Variants in RIT2 observed in about 807,000 individuals in gnomAD.
RIT2 encodes the protein Ras like without CAAX 2.
Under a neutral mutation model 23.7 loss-of-function variants are expected in RIT2, and 24 were observed. The ratio of observed to expected loss-of-function variants is 1.01; its 90% confidence interval spans 0.73 to 1.43. RIT2 has a LOEUF of 1.43. Among genes scored for constraint, RIT2 ranks in the 40% most tolerant of loss-of-function variants. The probability of loss-of-function intolerance (pLI) is 0.00; values close to 1 mark genes in which losing one functional copy is unlikely to be tolerated. For synonymous variants in RIT2, 107 were observed against 91.1 expected (o/e 1.17, Z -0.99); for missense variants, 236 against 266.9 (o/e 0.88, Z 0.81).
At chr18:43,051,383 G>A (rs1357061487) in intron 1 of RIT2, among the ~76,000 whole-genome samples, 16 of 152,048 alleles carry the variant, frequency 1.1e-4, no homozygotes, top group African/African-American at 3.9e-4. Flanking sequence ...GAGACTGATC[G>A]AATAGATGAG....
At chr18:42,808,705 T>C (rs949168589) in intron 4 of RIT2, among the ~76,000 whole-genome samples, 1 of 152,138 alleles carries the variant, frequency 6.6e-6, no homozygotes, top group Admixed American at 6.5e-5. Flanking sequence ...CTTTGCCCTA[T>C]TTTTTAAATA....
chr18:42,767,995 T>C (rs1240029327), intron 4 of RIT2, among the ~76,000 whole-genome samples: 1 of 152,134 alleles, frequency 6.6e-6, no homozygotes, highest in East Asian at 1.9e-4. Flanking sequence ...TTCAAGTATG[T>C]CTTTATCAGC....
At chr18:42,817,796 C>G (rs1189211441) in intron 4 of RIT2, among the ~76,000 whole-genome samples, 4 of 152,004 alleles carry the variant, frequency 2.6e-5, no homozygotes, top group Admixed American at 2.6e-4. Context: ...AGGGAAACAA[C>G]ATTTCTCTTT....
intron 4 of RIT2, among the ~76,000 whole-genome samples, chr18:42,825,095 A>C (rs1211499195): frequency 6.6e-6 from 1 of 151,924 alleles, no homozygotes; most frequent in Admixed American, 6.6e-5. Context: ...AATTTGGTCA[A>C]ACTTATGTTA....
chr18:43,074,948 G>A lies in RIT2; in HGVS notation c.103+40469C>T, dbSNP rs144964616. On this transcript the variant is annotated intron_variant, in intron 1 of 4. Transcript: ENST00000326695. The stretch of plus-strand genomic sequence containing the variant: ...GGGAAAAATAGCTAATGCATATTGG[G>A]CTTAATACCTAAGTGATGGGTTGAT... Among the ~76,000 whole-genome samples, 175 of 152,192 alleles carry A rather than the reference G, an allele frequency of 1.1e-3. 2 individuals carry two copies. The highest frequency in any genetic ancestry group is 3.8e-3 in the African/African-American group (159 of 41,524).
chr18:42,873,665 G>A (rs1282961996), intron 4 of RIT2, among the ~76,000 whole-genome samples: 1 of 152,026 alleles, frequency 6.6e-6, no homozygotes, highest in African/African-American at 2.4e-5. Context: ...GGAAGAAACA[G>A]CATTTTTCTT....
chr18:43,058,718 C>T (rs117270690), intron 1 of RIT2, among the ~76,000 whole-genome samples: 5,985 of 152,018 alleles, frequency 0.039, 171 homozygotes, highest in Non-Finnish European at 0.061. Context: ...AAAACCCTGT[C>T]TCTACAAAAA....
At chr18:43,007,421 G>A (rs192012825) in intron 2 of RIT2, among the ~76,000 whole-genome samples, 39 of 151,760 alleles carry the variant, frequency 2.6e-4, no homozygotes, top group African/African-American at 8.9e-4. Context: ...AATGAGCACC[G>A]AGTAGCAATG....
intron 2 of RIT2, among the ~76,000 whole-genome samples, chr18:43,026,586 A>G (rs1911727867): frequency 9.1e-6 from 1 of 109,616 alleles, no homozygotes; most frequent in African/African-American, 3.2e-5. Context: ...GAAAGAAAGA[A>G]AGAAAGAAAG....
chr18:42,888,858 C>T (rs1040190517), intron 4 of RIT2, among the ~76,000 whole-genome samples: 3 of 152,006 alleles, frequency 2.0e-5, no homozygotes, highest in Non-Finnish European at 2.9e-5. Context: ...GAGCTAAACA[C>T]TGAGCACATG....
intron 1 of RIT2, among the ~76,000 whole-genome samples, chr18:43,039,408 G>C (rs1598757540): frequency 6.7e-6 from 1 of 150,106 alleles, no homozygotes; most frequent in African/African-American, 2.5e-5. Context: ...GAGTGCAATG[G>C]TGCGATCTAA....
chr18:42,905,614 A>T (rs1908591357), intron 4 of RIT2, among the ~76,000 whole-genome samples: 1 of 152,074 alleles, frequency 6.6e-6, no homozygotes, highest in Admixed American at 6.6e-5. Flanking sequence ...CTGGGATTAC[A>T]GTTGCCCACC....
chr18:43,115,314 A>G, intron 1 of RIT2, 103 bp downstream of exon 1: 1 of 1,437,416 alleles, frequency 7.0e-7, no homozygotes, highest in South Asian at 1.2e-5. Context: ...TTTAACTGCC[A>G]CAGTTCACCT....
chr18:43,091,795 C>T (rs1270555461), intron 1 of RIT2, among the ~76,000 whole-genome samples: 1 of 152,164 alleles, frequency 6.6e-6, no homozygotes, highest in African/African-American at 2.4e-5. Flanking sequence ...TCTTCTCTGC[C>T]TGCAATAATT....
At chr18:43,059,353 A>G (rs1912586749) in intron 1 of RIT2, among the ~76,000 whole-genome samples, 1 of 152,146 alleles carries the variant, frequency 6.6e-6, no homozygotes, top group African/African-American at 2.4e-5. Context: ...GTAGAAGCAG[A>G]CTTCATTCAA....
intron 2 of RIT2, among the ~76,000 whole-genome samples, chr18:43,011,464 C>T (rs1911349843): frequency 6.6e-6 from 1 of 151,310 alleles, no homozygotes; most frequent in African/African-American, 2.4e-5. Context: ...ATGGATTGCA[C>T]AGTCTAGCTC....
intron 4 of RIT2, among the ~76,000 whole-genome samples, chr18:42,877,520 C>CTATATATATATATA (rs144405918): frequency 3.3e-4 from 48 of 143,776 alleles, no homozygotes; most frequent in East Asian, 1.2e-3. Context: ...TTTGTATACA[C>CTATATATATATATA]TATATATATA....
intron 3 of RIT2, among the ~76,000 whole-genome samples, chr18:42,927,674 A>G (rs1389534553): frequency 3.3e-5 from 5 of 152,000 alleles, no homozygotes; most frequent in African/African-American, 1.2e-4. Flanking sequence ...ACATTACCAG[A>G]TTCCATCTGC....
At chr18:42,906,024 A>ATATATATACATATATATATATATG (rs1908611149) in intron 4 of RIT2, among the ~76,000 whole-genome samples, 1 of 136,496 alleles carries the variant, frequency 7.3e-6, no homozygotes, top group Non-Finnish European at 1.6e-5. Context: ...ATATATATGT[A>ATATATATACATATATATATATATG]TATATATATA....
Sources: gnomAD v4.1 joint callset for allele counts (sites outside exome capture counted in the v4.1 genomes callset) on GRCh38, gnomAD v4.1.1 for gene constraint, MANE v1.5 for transcripts, NCBI Gene and HGNC (gene_info 2026-07-23, HGNC 2026-07-21) for gene names.